The following NEO1 variants were observed in gnomAD, a reference collection of about 807,000 sequenced individuals.
The protein encoded by NEO1 is neogenin.
In NEO1, 63 loss-of-function variants were observed where a neutral mutation model predicts 159.7. The ratio of observed to expected loss-of-function variants is 0.39; its 90% CI spans 0.32 to 0.49. The LOEUF is 0.49. Ranked by LOEUF, NEO1 falls within the 20% of genes least tolerant of loss-of-function variation. NEO1 has a pLI of 0.85. For missense variants in NEO1, 1,615 were observed against 1,831.0 expected, an observed-to-expected ratio of 0.88 and a Z score of 2.15; for synonymous variants, 633 against 662.0, an observed-to-expected ratio of 0.96 and a Z score of 0.67.
chr15:73,287,520 C>T (rs2041991662), intron 23 of NEO1, among the ~76,000 whole-genome samples: 1 of 152,208 alleles, frequency 6.6e-6, no homozygotes, highest in Non-Finnish European at 1.5e-5. Context: ...AGCTAAAACA[C>T]AGAGAAGTAG....
chr15:73,202,881 CTGTT>C (rs1458558343), intron 7 of NEO1, among the ~76,000 whole-genome samples: 1 of 152,150 alleles, frequency 6.6e-6, no homozygotes, highest in Non-Finnish European at 1.5e-5. Context: ...CAGTATTTAT[CTGTT>C]TGTGACTGGC....
At chr15:73,218,057 G>A (rs2038003954) in intron 7 of NEO1, among the ~76,000 whole-genome samples, 1 of 152,196 alleles carries the variant, frequency 6.6e-6, no homozygotes, top group African/African-American at 2.4e-5. Context: ...GATAGTGGCT[G>A]TGGGTTTGTC....
At chr15:73,211,445 G>T (rs1322768833) in intron 7 of NEO1, among the ~76,000 whole-genome samples, 1 of 151,872 alleles carries the variant, frequency 6.6e-6, no homozygotes, top group Non-Finnish European at 1.5e-5. Context: ...GGCCGGGCGT[G>T]TTGGCTCACG....
At chr15:73,206,716 T>C (rs2037249451) in intron 7 of NEO1, among the ~76,000 whole-genome samples, 1 of 152,234 alleles carries the variant, frequency 6.6e-6, no homozygotes, top group African/African-American at 2.4e-5. Flanking sequence ...CTGCCAGATT[T>C]AGCTGTAGAT....
Position 73,116,769 on chromosome 15 carries a change from TA to T in NEO1, c.363del (p.Lys121AsnfsTer27). On this transcript the variant is annotated frameshift_variant, in exon 2 of 29. Transcript: ENST00000261908. LOFTEE classifies it high-confidence loss of function. ...ISNVVHSKHNKPDEGYYQCVA... is the reference protein window; with the variant it reads ...ISNVVHSKHNXPDEGYYQCVA... The stretch of plus-strand genomic sequence containing the variant: ...GCAATGTGGTGCATTCCAAACACAA[TA>T]AACCTGATGAAGGTTATTATCAGTG... 6.2e-7 allele frequency: 1 copy of T among 1,613,956 alleles called. No homozygotes were observed. Among genetic ancestry groups the T allele is most frequent in the Non-Finnish European group, 8.5e-7 (1 of 1,179,898 alleles).
intron 1 of NEO1, among the ~76,000 whole-genome samples, chr15:73,097,357 CTTTTTTTTTTT>C (rs34372480): frequency 9.7e-6 from 1 of 102,960 alleles, no homozygotes; most frequent in Non-Finnish European, 1.8e-5. Context: ...GTCAGAGCCT[CTTTTTTTTTTT>C]TTTTTTTTTG....
intron 7 of NEO1, among the ~76,000 whole-genome samples, chr15:73,215,744 T>C (rs1272464621): frequency 6.6e-6 from 1 of 152,170 alleles, no homozygotes; most frequent in Non-Finnish European, 1.5e-5. Context: ...TGTAGTTTTC[T>C]TTTTTGGTTA....
At chr15:73,297,853 A>G (rs1438258959) in intron 26 of NEO1, among the ~76,000 whole-genome samples, 1 of 152,204 alleles carries the variant, frequency 6.6e-6, no homozygotes, top group African/African-American at 2.4e-5. Flanking sequence ...GGCCATGCAC[A>G]GTCCCTGGAG....
At chr15:73,245,480 C>T (rs561999508) in intron 9 of NEO1, among the ~76,000 whole-genome samples, 52 of 152,224 alleles carry the variant, frequency 3.4e-4, no homozygotes, top group African/African-American at 1.2e-3. Context: ...ACCGAAATTA[C>T]AAGCAGCCAG....
At chr15:73,278,483 A>C (rs2041523736) in intron 22 of NEO1, among the ~76,000 whole-genome samples, 1 of 152,222 alleles carries the variant, frequency 6.6e-6, no homozygotes, top group Non-Finnish European at 1.5e-5. Flanking sequence ...TTCGCTTTCA[A>C]AAATAAACCC....
rs146079450 is a variant in NEO1 at position 73,204,088 on chromosome 15, A to G, written c.1291+25661A>G. 4.2e-3 allele frequency among the ~76,000 whole-genome samples: 630 copies of G among 148,768 alleles called. 2 individuals carry two copies. Among genetic ancestry groups the G allele is most frequent in the African/African-American group, 0.014 (586 of 40,972 alleles). ...ATTTCTCATTAACCTTTGAAGTGCA[A>G]TTTTGCTGGATATAGAATGTAAGGT... is the stretch of plus-strand genomic sequence containing the variant. On this transcript the variant is annotated intron_variant, in intron 7 of 28. Transcript: ENST00000261908.
At chr15:73,302,342 G>T (rs1168760286) in intron 28 of NEO1, among the ~76,000 whole-genome samples, 2 of 152,234 alleles carry the variant, frequency 1.3e-5, no homozygotes, top group African/African-American at 4.8e-5. Context: ...CCTAGAAGGG[G>T]CAAGCAGTGG....
intron 1 of NEO1, among the ~76,000 whole-genome samples, chr15:73,092,715 AT>A (rs2069762075): frequency 1.3e-5 from 2 of 152,190 alleles, no homozygotes; most frequent in African/African-American, 4.8e-5. Flanking sequence ...TTATGTCATA[AT>A]TATTGCTTTT....
chr15:73,101,220 GGTTA>G (rs1203365723), intron 1 of NEO1, among the ~76,000 whole-genome samples: 3 of 152,090 alleles, frequency 2.0e-5, no homozygotes, highest in Non-Finnish European at 4.4e-5. Context: ...TTGATCTGTG[GGTTA>G]GTTTATAAGT....
At chr15:73,225,739 C>G (rs2038546466) in intron 7 of NEO1, among the ~76,000 whole-genome samples, 1 of 152,150 alleles carries the variant, frequency 6.6e-6, no homozygotes, top group Non-Finnish European at 1.5e-5. Context: ...AAGAAAAGGG[C>G]TTGATTCTTC....
rs1051378368 is a variant in NEO1, at chr15:73,096,740, G to C, written c.131-19800G>C. Among the ~76,000 whole-genome samples the C allele has an allele frequency of 9.2e-5, 14 of 152,196 alleles. No homozygotes were observed. The East Asian group carries it at 2.5e-3, about 27-fold the overall frequency. ...GAGAGTTTTGATGGGAAATCATTAGGCATCCACCTTAAAGTCCTGATTTGG... is the reference window on the plus strand; with the variant it reads ...GAGAGTTTTGATGGGAAATCATTAGCCATCCACCTTAAAGTCCTGATTTGG... On this transcript the variant is annotated intron_variant, in intron 1 of 28. Transcript: ENST00000261908.
intron 27 of NEO1, among the ~76,000 whole-genome samples, chr15:73,299,251 A>G (rs1044120926): frequency 6.6e-6 from 1 of 152,192 alleles, no homozygotes; most frequent in Non-Finnish European, 1.5e-5. Context: ...TTTTCTTCAT[A>G]TGGGTTATAT....
chr15:73,225,934 G>A (rs1174057978), intron 7 of NEO1, among the ~76,000 whole-genome samples: 1 of 152,152 alleles, frequency 6.6e-6, no homozygotes, highest in Non-Finnish European at 1.5e-5. Context: ...GGAATGGCCT[G>A]CCTGGGGACC....
intron 5 of NEO1, among the ~76,000 whole-genome samples, chr15:73,144,340 A>G (rs1382606354): frequency 1.3e-5 from 2 of 152,196 alleles, no homozygotes; most frequent in Non-Finnish European, 2.9e-5. Flanking sequence ...AACTGAAGCC[A>G]TTAAAGGTGA....
Sources: gnomAD v4.1 joint callset for allele counts (sites outside exome capture counted in the v4.1 genomes callset) on GRCh38, gnomAD v4.1.1 for gene constraint, MANE v1.5 for transcripts, NCBI Gene and HGNC (gene_info 2026-07-23, HGNC 2026-07-21) for gene names.